The following ARL13B variants were observed in gnomAD, a reference collection of about 807,000 sequenced individuals.
ARL13B encodes ARF like GTPase 13B, also known as ADP-ribosylation factor-like protein 13B.
A neutral mutation model predicts 56.1 loss-of-function variants in ARL13B; 36 were observed. That is an observed-to-expected ratio of 0.64 (90% CI 0.49 to 0.85). The LOEUF is 0.85. ARL13B is among the 40% of genes least tolerant of loss of function. The pLI, the probability that ARL13B is intolerant of heterozygous loss-of-function variation, is 0.00. For missense variants in ARL13B, 519 were observed against 507.1 expected (o/e 1.02, Z -0.23); for synonymous variants, 178 against 171.1 (o/e 1.04, Z -0.32).
intron 1 of ARL13B, among the ~76,000 whole-genome samples, chr3:93,981,178 C>A (rs1710197660): frequency 6.6e-6 from 1 of 152,166 alleles, no homozygotes; most frequent in African/African-American, 2.4e-5. Context: ...ACTTGATATT[C>A]ATTCATTCAA....
Position 94,014,658 on chromosome 3 carries a change from G to T in ARL13B, c.380+10750G>T, listed in dbSNP as rs1336986944. 2.5e-6 allele frequency: 4 copies of T among 1,613,530 alleles called. No individual in the cohort carries two copies. In the East Asian group the frequency reaches 8.9e-5, roughly 36 times the overall value. On this transcript the variant is annotated intron_variant, in intron 3 of 9. Transcript: ENST00000394222. ...CAATCTCTGAAAGTTGTGCTTTAGT[G>T]ATATTGATTTCTGTAAGTAAGCTTT... is the stretch of plus-strand genomic sequence containing the variant.
intron 3 of ARL13B, chr3:94,014,350 A>C: frequency 6.7e-7 from 1 of 1,486,802 alleles, no homozygotes; most frequent in Non-Finnish European, 8.9e-7. Context: ...GCTATCTTTT[A>C]CCGTAAAGCT....
rs768103430 is a variant in ARL13B at position 94,014,534 on chromosome 3, T to G, written c.380+10626T>G. 5 of 1,612,836 alleles carry G rather than the reference T, an allele frequency of 3.1e-6. No homozygotes were observed. In the African/African-American group the frequency reaches 4.0e-5, roughly 13 times the overall value. On this transcript the variant is annotated intron_variant, in intron 3 of 9. Coordinates refer to ENST00000394222, the MANE Select transcript of ARL13B (RefSeq NM_001174150.2). ...ACTGTCATTTCAATATTGTTGATGC[T>G]CTCTCCTTGTTCCTCTACTAAAAGA...
chr3:94,026,767 T>A (rs1316656177), intron 3 of ARL13B, among the ~76,000 whole-genome samples: 2 of 152,166 alleles, frequency 1.3e-5, no homozygotes, highest in Non-Finnish European at 2.9e-5. Context: ...TATACAAATA[T>A]GAATCATCTT....
At chr3:94,022,270 C>T (rs527374328) in intron 3 of ARL13B, among the ~76,000 whole-genome samples, 11 of 151,956 alleles carry the variant, frequency 7.2e-5, no homozygotes, top group African/African-American at 1.7e-4. Context: ...GAATTACAGG[C>T]GCCTGCCACC....
chr3:93,980,338 C>T lies in ARL13B; in HGVS notation c.-86C>T. ...CGACTTATCCACTTTAGGGGCGTCT[C>T]GGAGTGCCGGAGGCCCCCGGGGAAG... On this transcript the variant is annotated 5_prime_UTR_variant, in exon 1 of 10. Transcript: ENST00000394222. 1 of 1,549,830 alleles carries T rather than the reference C, an allele frequency of 6.5e-7. No individual in the cohort carries two copies. Among genetic ancestry groups the T allele is most frequent in the Non-Finnish European group, 8.8e-7 (1 of 1,132,450 alleles).
intron 3 of ARL13B, among the ~76,000 whole-genome samples, chr3:94,031,785 A>G (rs990795903): frequency 2.6e-5 from 4 of 152,224 alleles, no homozygotes; most frequent in Non-Finnish European, 5.9e-5. Context: ...GTAGCATGGT[A>G]CTGGTATAGA....
intron 2 of ARL13B, among the ~76,000 whole-genome samples, chr3:93,997,179 T>G (rs557442558): frequency 1.3e-5 from 2 of 152,202 alleles, no homozygotes; most frequent in South Asian, 4.1e-4. Context: ...AATGTAATAA[T>G]AATAGAAATA....
chr3:94,016,306 G>A (rs2076332490), intron 3 of ARL13B, among the ~76,000 whole-genome samples: 1 of 151,982 alleles, frequency 6.6e-6, no homozygotes, highest in Admixed American at 6.6e-5. Flanking sequence ...GAAAAAAAAG[G>A]TCTCTGAATG....
At chr3:93,985,325 C>T (rs1373911696) in intron 1 of ARL13B, among the ~76,000 whole-genome samples, 3 of 152,056 alleles carry the variant, frequency 2.0e-5, no homozygotes, top group East Asian at 1.9e-4. Flanking sequence ...ATTTTGAGCT[C>T]CTGTTATTTA....
At chr3:94,045,058 TAGAA>T (rs978579521) in intron 7 of ARL13B, among the ~76,000 whole-genome samples, 111 of 152,288 alleles carry the variant, frequency 7.3e-4, no homozygotes, top group African/African-American at 2.6e-3. Flanking sequence ...TGTGTCTGTG[TAGAA>T]AGAAGTAGAC....
At chr3:93,984,860 ATT>A (rs1270231099) in intron 1 of ARL13B, among the ~76,000 whole-genome samples, 1 of 152,138 alleles carries the variant, frequency 6.6e-6, no homozygotes, top group Non-Finnish European at 1.5e-5. Context: ...GTTTTAAAAA[ATT>A]AGCCAGAAGT....
chr3:94,015,116 G>A (rs369172757), intron 3 of ARL13B: 2 of 1,613,906 alleles, frequency 1.2e-6, no homozygotes, highest in Admixed American at 3.3e-5. Flanking sequence ...TGGATTTCAT[G>A]TAGGTGTCTC....
At position 93,980,535 on chromosome 3, in the gene ARL13B, C is replaced by G. The variant is rs1287096709; in HGVS notation, c.59+53C>G. The G allele has an allele frequency of 6.3e-6, 10 of 1,599,644 alleles. 1 individual carries two copies. Among genetic ancestry groups the G allele is most frequent in the Non-Finnish European group, 8.5e-6 (10 of 1,177,236 alleles). On this transcript the variant is annotated intron_variant, in intron 1 of 9. Transcript: ENST00000394222. ...TCCTAGGGGTTGGAGATGGCTGCGC[C>G]CCAGGGGCGAGGCGCCGCCTTTTCC...
At position 94,006,253 on chromosome 3, in the gene ARL13B, G is replaced by C. The variant is rs373458373; in HGVS notation, c.380+2345G>C. On this transcript the variant is annotated intron_variant, in intron 3 of 9. Coordinates refer to ENST00000394222, the MANE Select transcript of ARL13B (RefSeq NM_001174150.2). ...GGAGGTTGCAGTGAGCCAAGATCAC[G>C]CCACTGCACTCCAGCCTGGGCGACA... 8.5e-5 allele frequency among the ~76,000 whole-genome samples: 13 copies of C among 152,164 alleles called. No individual in the cohort carries two copies. The East Asian group carries it at 2.3e-3, about 27-fold the overall frequency.
chr3:94,029,100 A>G (rs1312091288), intron 3 of ARL13B, among the ~76,000 whole-genome samples: 1 of 151,328 alleles, frequency 6.6e-6, no homozygotes, highest in Non-Finnish European at 1.5e-5. Context: ...ATATAGAACT[A>G]AAGTTATCCA....
chr3:94,007,334 A>G (rs1178390005), intron 3 of ARL13B, among the ~76,000 whole-genome samples: 2 of 152,216 alleles, frequency 1.3e-5, no homozygotes, highest in East Asian at 3.8e-4. Flanking sequence ...GCAGGTTGTG[A>G]CAATCTTTAG....
intron 2 of ARL13B, 68 bp downstream of exon 2, chr3:93,996,012 GT>G: frequency 6.8e-7 from 1 of 1,479,892 alleles, no homozygotes; most frequent in African/African-American, 1.4e-5. Context: ...ATTTTGTTAA[GT>G]TGCTTTATTC....
chr3:94,018,917 C>A (rs2076390307), intron 3 of ARL13B, among the ~76,000 whole-genome samples: 1 of 152,006 alleles, frequency 6.6e-6, no homozygotes, highest in African/African-American at 2.4e-5. Flanking sequence ...AGGCATGTGC[C>A]ACCACGCCCA....
Sources: gnomAD v4.1 joint callset for allele counts (sites outside exome capture counted in the v4.1 genomes callset) on GRCh38, gnomAD v4.1.1 for gene constraint, MANE v1.5 for transcripts, NCBI Gene and HGNC (gene_info 2026-07-23, HGNC 2026-07-21) for gene names.